Variants in CDH4 observed in about 807,000 individuals in gnomAD.
CDH4 encodes the protein cadherin 4, also known as cadherin-4.
Under a neutral mutation model 86.0 loss-of-function variants are expected in CDH4, and 33 were observed. The observed-to-expected ratio is 0.38, with a 90% CI of 0.29 to 0.51. The LOEUF (loss-of-function observed/expected upper bound fraction) is 0.51, where lower values mean the gene tolerates loss of function less well. Ranked by LOEUF, CDH4 falls within the 20% of genes least tolerant of loss-of-function variation. CDH4 has a pLI of 0.86. For missense variants in CDH4, 1,114 were observed against 1,307.4 expected, an observed-to-expected ratio of 0.85 and a Z score of 2.28; for synonymous variants, 555 against 549.4, an observed-to-expected ratio of 1.01 and a Z score of -0.14.
At chr20:61,826,962 AGTGTGTGTGTGTGTGT>A (rs11470719) in intron 4 of CDH4, among the ~76,000 whole-genome samples, 206 of 145,870 alleles carry the variant, frequency 1.4e-3, no homozygotes, top group Middle Eastern at 7.0e-3. Context: ...AGAAGGGAAA[AGTGTGTGTGTGTGTGT>A]GTGTGTGTGT....
intron 2 of CDH4, among the ~76,000 whole-genome samples, chr20:61,361,484 T>C (rs906816572): frequency 6.6e-6 from 1 of 152,250 alleles, no homozygotes; most frequent in Non-Finnish European, 1.5e-5. Flanking sequence ...GCTGCAGTGA[T>C]CAAAACAGAC....
chr20:61,578,260 G>C (rs948570352), intron 2 of CDH4, among the ~76,000 whole-genome samples: 1 of 152,228 alleles, frequency 6.6e-6, no homozygotes, highest in Non-Finnish European at 1.5e-5. Context: ...TTGGGCACCA[G>C]GGAGAGGCCA....
At chr20:61,736,045 G>C (rs377091184) in intron 2 of CDH4, among the ~76,000 whole-genome samples, 12 of 152,168 alleles carry the variant, frequency 7.9e-5, no homozygotes, top group African/African-American at 2.9e-4. Context: ...AGTCCCAGAG[G>C]ATGCGGGACC....
chr20:61,496,822 G>GTTTGATGTTGGC lies in CDH4; in HGVS notation c.169+241887_169+241898dup, dbSNP rs1477266414. The stretch of plus-strand genomic sequence containing the variant: ...GTTCTTTGGATGTGCTGTAGGCTTG[G>GTTTGATGTTGGC]TTTGATGTTGGCTCTGCTTCTTCCA... On this transcript the variant is annotated intron_variant, in intron 2 of 15. Coordinates refer to ENST00000614565, the MANE Select transcript of CDH4 (RefSeq NM_001794.5). Among the ~76,000 whole-genome samples, 8 of 152,192 alleles carry GTTTGATGTTGGC rather than the reference G, an allele frequency of 5.3e-5. No homozygotes were observed. The East Asian group carries it at 1.5e-3, about 29-fold the overall frequency.
intron 2 of CDH4, among the ~76,000 whole-genome samples, chr20:61,726,915 C>A (rs1759899151): frequency 6.6e-6 from 1 of 152,028 alleles, no homozygotes. Context: ...TCAGTGAGAT[C>A]ATCATCAACA....
intron 3 of CDH4, among the ~76,000 whole-genome samples, chr20:61,767,974 G>A (rs982699161): frequency 3.3e-5 from 5 of 152,306 alleles, no homozygotes; most frequent in East Asian, 1.9e-4. Context: ...GGATGGAGGC[G>A]ACAGTGGGCG....
intron 2 of CDH4, among the ~76,000 whole-genome samples, chr20:61,273,800 T>TAGTACCATATGCAGTTTGGGGG (rs2084203166): frequency 1.9e-5 from 2 of 107,162 alleles, no homozygotes; most frequent in African/African-American, 3.7e-5. Context: ...CAGTTTGTGG[T>TAGTACCATATGCAGTTTGGGGG]AGTACCATAT....
chr20:61,919,916 G>C (rs1469317270), intron 9 of CDH4, among the ~76,000 whole-genome samples: 9 of 127,418 alleles, frequency 7.1e-5, no homozygotes, highest in African/African-American at 2.8e-4. Flanking sequence ...TCGTGATTAT[G>C]TGGAAGCGTG....
intron 4 of CDH4, among the ~76,000 whole-genome samples, chr20:61,804,150 A>T (rs531557628): frequency 1.3e-5 from 2 of 152,338 alleles, no homozygotes; most frequent in East Asian, 1.9e-4. Context: ...AGTTTGCAGG[A>T]TGTCGGTCCT....
chr20:61,767,565 C>T (rs2088714975), intron 3 of CDH4, among the ~76,000 whole-genome samples: 1 of 152,158 alleles, frequency 6.6e-6, no homozygotes, highest in South Asian at 2.1e-4. Flanking sequence ...GTCTGGTCCC[C>T]AGCACCTGGC....
At chr20:61,556,113 C>T (rs2086175759) in intron 2 of CDH4, among the ~76,000 whole-genome samples, 1 of 152,184 alleles carries the variant, frequency 6.6e-6, no homozygotes. Flanking sequence ...GTCAGAGCAG[C>T]CGTGACCACA....
intron 2 of CDH4, among the ~76,000 whole-genome samples, chr20:61,327,051 C>T (rs1424372219): frequency 6.6e-6 from 1 of 152,196 alleles, no homozygotes; most frequent in Non-Finnish European, 1.5e-5. Flanking sequence ...CCTGGTCTCT[C>T]TGAGCCATTC....
rs1015016027 is a variant in CDH4 at position 61,684,319 on chromosome 20, A to T, written c.170-59244A>T. 3.9e-5 allele frequency among the ~76,000 whole-genome samples: 6 copies of T among 152,170 alleles called. No individual in the cohort carries two copies. The highest frequency in any genetic ancestry group is 1.4e-4 in the African/African-American group (6 of 41,444). On this transcript the variant is annotated intron_variant, in intron 2 of 15. Transcript: ENST00000614565. This position sits in a 1 kb window ranked among gnomAD's most constrained non-coding sequence, Gnocchi z 4.5. Reference sequence around the variant, plus strand: ...CGACCATGCGACTGAGCCCTGTGGGAAGAGCAGGGGGGCCGCCCAGCTAAG... The same window carrying T: ...CGACCATGCGACTGAGCCCTGTGGGTAGAGCAGGGGGGCCGCCCAGCTAAG...
At chr20:61,258,589 T>C (rs2084113677) in intron 2 of CDH4, among the ~76,000 whole-genome samples, 1 of 152,238 alleles carries the variant, frequency 6.6e-6, no homozygotes, top group African/African-American at 2.4e-5. Context: ...CAGGATGTTC[T>C]TGGCCAACAG....
intron 2 of CDH4, among the ~76,000 whole-genome samples, chr20:61,380,209 T>A (rs1432114068): frequency 6.6e-6 from 1 of 152,236 alleles, no homozygotes; most frequent in Non-Finnish European, 1.5e-5. Flanking sequence ...ATGAATGATT[T>A]TAATGTACTG....
chr20:61,620,783 A>T (rs1168725250), intron 2 of CDH4, among the ~76,000 whole-genome samples: 1 of 152,164 alleles, frequency 6.6e-6, no homozygotes, highest in Non-Finnish European at 1.5e-5. Flanking sequence ...GGCTGGTCTC[A>T]TATGTTGTAA....
Position 61,939,253 on chromosome 20 carries a change from T to G in CDH4, c.*2310T>G, listed in dbSNP as rs929994840. The G allele has an allele frequency of 2.0e-5, 3 of 152,256 alleles. No individual in the cohort carries two copies. Among genetic ancestry groups the G allele is most frequent in the African/African-American group, 7.2e-5 (3 of 41,432 alleles). 9.4% of individuals were successfully genotyped at this position (152,256 alleles called of 1,614,324 possible). A position where few individuals can be genotyped will look rare whatever the true frequency, so the allele number is the denominator to read the frequency against. On this transcript the variant is annotated 3_prime_UTR_variant, in exon 16 of 16. Coordinates refer to ENST00000614565, the MANE Select transcript of CDH4 (RefSeq NM_001794.5). ...CGAGGCCTCCTTGGGTTCCCTGAACTCCGGGCTGATGTTCCCAGGACCCAG... is the reference window on the plus strand; with the variant it reads ...CGAGGCCTCCTTGGGTTCCCTGAACGCCGGGCTGATGTTCCCAGGACCCAG...
intron 3 of CDH4, among the ~76,000 whole-genome samples, chr20:61,750,469 C>A (rs1018540693): frequency 6.6e-6 from 1 of 152,110 alleles, no homozygotes; most frequent in African/African-American, 2.4e-5. Context: ...AAACTAAAAT[C>A]CTTATCACAA....
At chr20:61,587,800 T>C (rs2086489575) in intron 2 of CDH4, among the ~76,000 whole-genome samples, 2 of 152,164 alleles carry the variant, frequency 1.3e-5, no homozygotes, top group Admixed American at 6.5e-5. Context: ...TTATTTATTG[T>C]TTTTTTAATT....
Sources: allele counts gnomAD v4.1 joint callset (sites outside exome capture counted in the v4.1 genomes callset), GRCh38; gene constraint gnomAD v4.1.1; non-coding constraint Gnocchi (gnomAD v3.1); transcripts MANE v1.5; gene names NCBI Gene and HGNC (gene_info 2026-07-23, HGNC 2026-07-21).